The following SOX6 variants were observed in gnomAD, a reference collection of about 807,000 sequenced individuals.
SOX6 encodes SRY-box transcription factor 6.
In SOX6, 11 loss-of-function variants were observed where a neutral mutation model predicts 97.8. That is an observed-to-expected ratio of 0.11 (90% CI 0.07 to 0.19). The LOEUF (loss-of-function observed/expected upper bound fraction) is 0.19, where lower values mean the gene tolerates loss of function less well. Among genes scored for constraint, SOX6 ranks in the 10% least tolerant of loss-of-function variants. The pLI, the probability that SOX6 is intolerant of heterozygous loss-of-function variation, is 1.00. For missense variants in SOX6, 810 were observed against 1,039.5 expected (o/e 0.78, Z 3.04); for synonymous variants, 360 against 371.4 (o/e 0.97, Z 0.35).
intron 9 of SOX6, among the ~76,000 whole-genome samples, chr11:16,095,414 T>C (rs1176320084): frequency 6.6e-6 from 1 of 151,702 alleles, no homozygotes; most frequent in Non-Finnish European, 1.5e-5. Context: ...AAAAGAATAC[T>C]ACAGAAGTTT....
At chr11:16,238,004 G>A (rs1410409713) in intron 3 of SOX6, among the ~76,000 whole-genome samples, 1 of 151,884 alleles carries the variant, frequency 6.6e-6, no homozygotes, top group Non-Finnish European at 1.5e-5. Context: ...TAATGCTAAA[G>A]TAGCATTATG....
intron 1 of SOX6, among the ~76,000 whole-genome samples, chr11:16,379,797 T>C (rs1857756284): frequency 6.6e-6 from 1 of 151,912 alleles, no homozygotes; most frequent in Non-Finnish European, 1.5e-5. Flanking sequence ...ACAGATGAGT[T>C]TACTGCAATA....
At chr11:16,003,368 T>G (rs951636620) in intron 13 of SOX6, among the ~76,000 whole-genome samples, 1 of 152,096 alleles carries the variant, frequency 6.6e-6, no homozygotes, top group Non-Finnish European at 1.5e-5. Flanking sequence ...CAGGTATTAT[T>G]TATCCCATGA....
chr11:16,726,483 A>G (rs939792752), intron 2 of SOX6, among the ~76,000 whole-genome samples: 5 of 152,232 alleles, frequency 3.3e-5, no homozygotes, highest in Non-Finnish European at 7.3e-5. Flanking sequence ...AAAAAATTTA[A>G]TTGTATACTT....
chr11:16,538,892 C>G (rs1053684713), intron 4 of SOX6, among the ~76,000 whole-genome samples: 7 of 152,130 alleles, frequency 4.6e-5, no homozygotes, highest in South Asian at 4.1e-4. Flanking sequence ...TTTAACACCC[C>G]ACTGTCAATA....
intron 4 of SOX6, among the ~76,000 whole-genome samples, chr11:16,528,180 A>G (rs546586602): frequency 2.4e-4 from 36 of 152,224 alleles, no homozygotes; most frequent in African/African-American, 8.2e-4. Context: ...AATGTTTCTA[A>G]AAGTCTGCTC....
Position 16,117,284 on chromosome 11 carries a change from C to T in SOX6, c.778-5361G>A, listed in dbSNP as rs536191210. On this transcript the variant is annotated intron_variant, in intron 6 of 15. Transcript: ENST00000683767. ...AGGAGAATCACTTGAACCCAGGAGG[C>T]AGAGGTTGCAGTGAGCCGAGATCAT... Among the ~76,000 whole-genome samples the T allele has an allele frequency of 1.4e-3, 211 of 150,942 alleles. 1 individual carries two copies. Among genetic ancestry groups the T allele is most frequent in the African/African-American group, 4.8e-3 (197 of 41,108 alleles).
intron 4 of SOX6, among the ~76,000 whole-genome samples, chr11:16,574,312 T>C (rs1382494801): frequency 6.6e-6 from 1 of 151,882 alleles, no homozygotes; most frequent in Non-Finnish European, 1.5e-5. Context: ...AAGAACGTAA[T>C]AAAGAACCCC....
chr11:16,132,441 GAAAA>G (rs776478066), intron 6 of SOX6, among the ~76,000 whole-genome samples: 33 of 54,690 alleles, frequency 6.0e-4, no homozygotes, highest in Non-Finnish European at 3.3e-4. Flanking sequence ...AAGAAAGAAA[GAAAA>G]AAGAAAGAAA....
In SOX6 at chr11:16,173,591, T is replaced by A. The variant is rs182509371; in HGVS notation, c.777+10295A>T. Reference sequence around the variant, plus strand: ...TTTTAGTTTTTTTGTTTTTTTTTTTTAAACTACTAGAAAAGTGTTTGTTTT... The same window carrying A: ...TTTTAGTTTTTTTGTTTTTTTTTTTAAAACTACTAGAAAAGTGTTTGTTTT... On this transcript the variant is annotated intron_variant, in intron 6 of 15. Transcript: ENST00000683767. Among the ~76,000 whole-genome samples the A allele has an allele frequency of 1.7e-4, 24 of 141,214 alleles. No homozygotes were observed. In the East Asian group the frequency reaches 3.9e-3, roughly 23 times the overall value. 92.6% of individuals were successfully genotyped at this position (141,214 alleles called of 152,430 possible). A position where few individuals can be genotyped will look rare whatever the true frequency, so the allele number is the denominator to read the frequency against.
Position 16,283,083 on chromosome 11 carries a change from T to A in SOX6, c.445+35363A>T, listed in dbSNP as rs1286871955. Among the ~76,000 whole-genome samples, 5 of 48,078 alleles carry A rather than the reference T, an allele frequency of 1.0e-4. No individual in the cohort carries two copies. The East Asian group carries it at 2.7e-3, about 26-fold the overall frequency. 31.5% of individuals were successfully genotyped at this position (48,078 alleles called of 152,430 possible). On this transcript the variant is annotated intron_variant, in intron 3 of 15. Transcript: ENST00000683767. ...TTTGTATATATATGTAAATTATATA[T>A]AATTTGTATATATATATATATATAT...
chr11:16,161,347 C>G (rs969865729), intron 6 of SOX6, among the ~76,000 whole-genome samples: 3 of 149,352 alleles, frequency 2.0e-5, no homozygotes, highest in Non-Finnish European at 4.4e-5. Flanking sequence ...ATATATATGT[C>G]TTATGTTTAA....
intron 4 of SOX6, among the ~76,000 whole-genome samples, chr11:16,230,608 A>G (rs1009947018): frequency 6.6e-6 from 1 of 151,828 alleles, no homozygotes; most frequent in African/African-American, 2.4e-5. Context: ...TGAATGGAGC[A>G]ATTCAATAGT....
chr11:16,502,769 C>G (rs1166194778), intron 4 of SOX6, among the ~76,000 whole-genome samples: 1 of 152,026 alleles, frequency 6.6e-6, no homozygotes, highest in African/African-American at 2.4e-5. Context: ...CAGAAGGTGA[C>G]AAGAAAACAA....
intron 3 of SOX6, among the ~76,000 whole-genome samples, chr11:16,281,589 A>G (rs1239702161): frequency 1.3e-5 from 2 of 152,086 alleles, no homozygotes; most frequent in Admixed American, 6.6e-5. Flanking sequence ...GTTGATTCTT[A>G]GTAATCAATA....
At chr11:16,421,076 C>T (rs1859012410) in intron 1 of SOX6, among the ~76,000 whole-genome samples, 1 of 152,100 alleles carries the variant, frequency 6.6e-6, no homozygotes, top group South Asian at 2.1e-4. Flanking sequence ...CCCTTTGAAC[C>T]ATGTTTCCCT....
At chr11:16,366,172 G>C (rs934950285) in intron 1 of SOX6, among the ~76,000 whole-genome samples, 3 of 152,078 alleles carry the variant, frequency 2.0e-5, no homozygotes, top group African/African-American at 7.2e-5. Context: ...TAGGGCCCAG[G>C]CTATTGTTCA....
chr11:16,088,560 G>C (rs1304646771), intron 9 of SOX6, among the ~76,000 whole-genome samples: 1 of 152,062 alleles, frequency 6.6e-6, no homozygotes, highest in Non-Finnish European at 1.5e-5. Context: ...CATGTAGTAT[G>C]CTGCCTTTTT....
chr11:16,700,773 A>T (rs1407928145), intron 3 of SOX6, among the ~76,000 whole-genome samples: 1 of 152,092 alleles, frequency 6.6e-6, no homozygotes, highest in Non-Finnish European at 1.5e-5. Flanking sequence ...TTATCCCTTC[A>T]GGCCTGAGGA....
Sources: gnomAD v4.1 joint callset for allele counts (sites outside exome capture counted in the v4.1 genomes callset) on GRCh38, gnomAD v4.1.1 for gene constraint, MANE v1.5 for transcripts, NCBI Gene and HGNC (gene_info 2026-07-23, HGNC 2026-07-21) for gene names.